Variants in TF observed in about 807,000 individuals in gnomAD.
TF encodes the protein transferrin, also known as serotransferrin.
TF carries 55 observed loss-of-function variants against 82.4 expected under a neutral mutation model. The observed-to-expected ratio is 0.67, with a 90% CI of 0.54 to 0.84. TF has a LOEUF of 0.84. Among genes scored for constraint, TF ranks in the 40% least tolerant of loss-of-function variants. TF has a pLI of 0.00. For missense variants in TF, 737 were observed against 868.4 expected (o/e 0.85, Z 1.90); for synonymous variants, 332 against 332.6 (o/e 1.00, Z 0.02).
At chr3:133,747,493 C>G (rs889101322) in intron 1 of TF, among the ~76,000 whole-genome samples, 1 of 152,234 alleles carries the variant, frequency 6.6e-6, no homozygotes, top group African/African-American at 2.4e-5. Context: ...TGTGGATCTT[C>G]TTCAGAGCCA....
the TF span, among the ~76,000 whole-genome samples, chr3:133,718,266 G>A: frequency 6.6e-6 from 1 of 152,120 alleles, no homozygotes; most frequent in Non-Finnish European, 1.5e-5. Context: ...ACAGGGAAAG[G>A]TTCTAATTGA....
chr3:133,687,644 A>T, the TF span, among the ~76,000 whole-genome samples: 1 of 152,156 alleles, frequency 6.6e-6, no homozygotes, highest in Non-Finnish European at 1.5e-5. Flanking sequence ...CTATAGATGT[A>T]CCTAGTCTAG....
chr3:133,730,198 C>G, the TF span, among the ~76,000 whole-genome samples: 1 of 152,302 alleles, frequency 6.6e-6, no homozygotes, highest in Non-Finnish European at 1.5e-5. Flanking sequence ...CAGCCTAGAA[C>G]TCAGTCCTAG....
the TF span, among the ~76,000 whole-genome samples, chr3:133,711,599 C>G: frequency 6.6e-6 from 1 of 152,252 alleles, no homozygotes; most frequent in Non-Finnish European, 1.5e-5. Flanking sequence ...ATCTCCCTCC[C>G]CTTTGTGCTC....
the TF span, among the ~76,000 whole-genome samples, chr3:133,713,278 T>TA: frequency 6.6e-6 from 1 of 152,246 alleles, no homozygotes; most frequent in South Asian, 2.1e-4. Flanking sequence ...CTAGAGGTGT[T>TA]ACAGCAGTTA....
intron 14 of TF, chr3:133,774,207 A>C (rs1934328722): frequency 6.6e-6 from 1 of 152,246 alleles, no homozygotes; most frequent in South Asian, 2.1e-4. Flanking sequence ...TAGATAAATG[A>C]ATAAAATAAC....
the TF span, among the ~76,000 whole-genome samples, chr3:133,669,233 C>A: frequency 1.3e-5 from 2 of 152,094 alleles, no homozygotes; most frequent in South Asian, 4.2e-4. Context: ...AACTCCTGAC[C>A]TCAGGCGATC....
At position 133,792,056 on chromosome 3, in the gene TF, T is replaced by C. The variant is rs1934853273; in HGVS notation, c.*13436T>C. The C allele has an allele frequency of 6.6e-6, 1 of 152,218 alleles. No homozygotes were observed. The highest frequency in any genetic ancestry group is 2.4e-5 in the African/African-American group (1 of 41,464). 9.4% of individuals were successfully genotyped at this position (152,218 alleles called of 1,614,324 possible). The stretch of plus-strand genomic sequence containing the variant: ...TAGTCTAAATTATGCAGGTCAGATA[T>C]TAGATTTGCAAAATGCTTTAAGGTC... On this transcript the variant is annotated 3_prime_UTR_variant, in exon 17 of 17. Transcript: ENST00000402696.
chr3:133,789,878 C>CA lies in TF; in HGVS notation c.*11258_*11259insA, dbSNP rs1559884865. The CA allele has an allele frequency of 5.9e-4, 31 of 52,440 alleles. 2 individuals are homozygous for CA. The highest frequency in any genetic ancestry group is 5.4e-3 in the South Asian group (9 of 1,678). 3.2% of individuals were successfully genotyped at this position (52,440 alleles called of 1,614,324 possible). A position where few individuals can be genotyped will look rare whatever the true frequency, so the allele number is the denominator to read the frequency against. ...AGCCAAAACAAAACGATCTCGTTTG[C>CA]GTTTTTTTTTTTTTTTTTTTTTTTT... On this transcript the variant is annotated 3_prime_UTR_variant, in exon 17 of 17. Coordinates refer to ENST00000402696, the MANE Select transcript of TF (RefSeq NM_001063.4).
At chr3:133,667,216 G>A in the TF span, among the ~76,000 whole-genome samples, 2 of 151,938 alleles carry the variant, frequency 1.3e-5, no homozygotes. Flanking sequence ...AATTAACTGA[G>A]TGTGGAGGAC....
chr3:133,691,263 G>A, the TF span, among the ~76,000 whole-genome samples: 1 of 152,318 alleles, frequency 6.6e-6, no homozygotes. Context: ...CCTGCCAAGG[G>A]AATCCACATT....
the TF span, among the ~76,000 whole-genome samples, chr3:133,673,180 CAT>C: frequency 6.6e-6 from 1 of 152,120 alleles, no homozygotes; most frequent in Non-Finnish European, 1.5e-5. Flanking sequence ...CACGAAAAGA[CAT>C]GTAGTAGAAT....
chr3:133,700,681 G>C, the TF span, among the ~76,000 whole-genome samples: 1 of 152,176 alleles, frequency 6.6e-6, no homozygotes, highest in East Asian at 1.9e-4. Context: ...ATTTCCCCGA[G>C]GCCACACCAG....
At chr3:133,777,415 A>AT in intron 16 of TF, 177 bp downstream of exon 16, 2 of 634,872 alleles carry the variant, frequency 3.2e-6, no homozygotes, top group Non-Finnish European at 5.6e-6. Flanking sequence ...CTGTAGGGGC[A>AT]GATAGTAAGG....
chr3:133,750,890 CATTT>C (rs1440978545), intron 2 of TF, among the ~76,000 whole-genome samples: 1 of 152,160 alleles, frequency 6.6e-6, no homozygotes, highest in Non-Finnish European at 1.5e-5. Context: ...CTGTTTGCTT[CATTT>C]TTATTCAACA....
chr3:133,683,705 A>G, the TF span, among the ~76,000 whole-genome samples: 2 of 152,264 alleles, frequency 1.3e-5, no homozygotes, highest in Admixed American at 6.5e-5. Flanking sequence ...CGTAAAGCAA[A>G]TCCTTAGAGA....
At chr3:133,774,887 C>T (rs777084844) in intron 14 of TF, 8 of 321,984 alleles carry the variant, frequency 2.5e-5, no homozygotes, top group Non-Finnish European at 4.2e-5. Context: ...AGAGACAATA[C>T]AGAAAAGAAG....
In TF at chr3:133,786,237, A is replaced by AC. The variant is rs1934681723; in HGVS notation, c.*7617_*7618insC. ...AAAAATAAATTAAAAAAAAAAAAAA[A>AC]AAACAATACTATTTTTTGAACTATC... On this transcript the variant is annotated 3_prime_UTR_variant, in exon 17 of 17. Coordinates refer to ENST00000402696, the MANE Select transcript of TF (RefSeq NM_001063.4). 1.3e-5 allele frequency: 1 copy of AC among 77,282 alleles called. No homozygotes were observed. Among genetic ancestry groups the AC allele is most frequent in the Non-Finnish European group, 3.3e-5 (1 of 30,502 alleles). The allele number at this position is 77,282 out of a possible 1,614,324, so 4.8% of individuals were successfully genotyped here. A position where few individuals can be genotyped will look rare whatever the true frequency, so the allele number is the denominator to read the frequency against.
At chr3:133,721,237 T>G in the TF span, among the ~76,000 whole-genome samples, 22 of 152,294 alleles carry the variant, frequency 1.4e-4, no homozygotes, top group Non-Finnish European at 3.1e-4. Flanking sequence ...TGCTAAAAAT[T>G]TCCCTCTTAG....
Sources: allele counts gnomAD v4.1 joint callset (sites outside exome capture counted in the v4.1 genomes callset), GRCh38; gene constraint gnomAD v4.1.1; transcripts MANE v1.5; gene names NCBI Gene and HGNC (gene_info 2026-07-23, HGNC 2026-07-21).